STON2: variants seen among roughly 807,000 people sequenced by gnomAD.
STON2 encodes the protein stonin 2.
A neutral mutation model predicts 65.7 loss-of-function variants in STON2; 29 were observed. The ratio of observed to expected loss-of-function variants is 0.44; its 90% CI spans 0.33 to 0.60. STON2 has a LOEUF of 0.60. STON2 is among the 20% of genes least tolerant of loss of function. STON2 has a pLI of 0.03. For synonymous variants in STON2, 404 were observed against 414.2 expected, an observed-to-expected ratio of 0.98 and a Z score of 0.30; for missense variants, 1,054 against 1,118.1, an observed-to-expected ratio of 0.94 and a Z score of 0.82.
chr14:81,420,399 T>G (rs1452599539), intron 2 of STON2, among the ~76,000 whole-genome samples: 1 of 152,244 alleles, frequency 6.6e-6, no homozygotes, highest in African/African-American at 2.4e-5. Context: ...TTTTTAGAAG[T>G]CTGTCACAGA....
intron 4 of STON2, among the ~76,000 whole-genome samples, chr14:81,355,194 G>C (rs147147655): frequency 6.9e-4 from 105 of 152,202 alleles, no homozygotes; most frequent in African/African-American, 2.5e-3. Flanking sequence ...TCAAGAAGGA[G>C]AAGAAAGAGA....
chr14:81,290,066 G>C (rs1895495139), intron 5 of STON2, among the ~76,000 whole-genome samples: 4 of 152,164 alleles, frequency 2.6e-5, no homozygotes, highest in Admixed American at 2.6e-4. Flanking sequence ...AAGTCCTACA[G>C]ATCAGTAACA....
chr14:81,424,094 G>A (rs530486667), intron 2 of STON2, among the ~76,000 whole-genome samples: 77 of 152,328 alleles, frequency 5.1e-4, no homozygotes, highest in East Asian at 9.6e-4. Flanking sequence ...GAGCAAATGA[G>A]CACCTTTCAA....
intron 5 of STON2, among the ~76,000 whole-genome samples, chr14:81,299,963 T>A (rs1262016417): frequency 6.6e-6 from 1 of 151,958 alleles, no homozygotes; most frequent in Non-Finnish European, 1.5e-5. Flanking sequence ...ATTTTTTTGA[T>A]AGTTGGTCAA....
chr14:81,381,585 T>TA (rs57947737), intron 3 of STON2, among the ~76,000 whole-genome samples: 15,302 of 152,028 alleles, frequency 0.1, 1,987 homozygotes, highest in African/African-American at 0.3. Context: ...AAATGCAATT[T>TA]AAATCACATG....
At chr14:81,373,511 T>C (rs752145262) in intron 3 of STON2, among the ~76,000 whole-genome samples, 1 of 152,188 alleles carries the variant, frequency 6.6e-6, no homozygotes, top group Non-Finnish European at 1.5e-5. Context: ...AATAACATTA[T>C]TTAAAATGCA....
intron 5 of STON2, among the ~76,000 whole-genome samples, chr14:81,287,739 T>C (rs1211307887): frequency 6.6e-6 from 1 of 152,210 alleles, no homozygotes; most frequent in African/African-American, 2.4e-5. Flanking sequence ...TCTAAACTTC[T>C]GCCTCTGTTT....
chr14:81,268,502 C>G lies in STON2; in HGVS notation c.2785-5G>C. On this transcript the variant is annotated splice_polypyrimidine_tract_variant and splice_region_variant and intron_variant, in intron 7 of 7. Coordinates refer to ENST00000614646, the MANE Select transcript of STON2 (RefSeq NM_001394390.1). ...CTTTTTTTGCTCAATTTCCACCTGCCAAGAATAGAAGTTGGAGATAAAGAT... is the reference window on the plus strand; with the variant it reads ...CTTTTTTTGCTCAATTTCCACCTGCGAAGAATAGAAGTTGGAGATAAAGAT... 2 of 1,289,322 alleles carry G rather than the reference C, an allele frequency of 1.6e-6. No homozygotes were observed. Among genetic ancestry groups the G allele is most frequent in the South Asian group, 1.2e-5 (1 of 80,984 alleles). 79.9% of individuals were successfully genotyped at this position (1,289,322 alleles called of 1,614,324 possible).
chr14:81,375,489 T>C (rs1406526451), intron 3 of STON2, among the ~76,000 whole-genome samples: 1 of 152,060 alleles, frequency 6.6e-6, no homozygotes, highest in Non-Finnish European at 1.5e-5. Flanking sequence ...ATCAGAAATA[T>C]ATAATCCTAA....
chr14:81,431,271 G>T (rs1387198547), intron 1 of STON2, among the ~76,000 whole-genome samples: 4 of 152,114 alleles, frequency 2.6e-5, no homozygotes, highest in African/African-American at 9.7e-5. Context: ...CTGGAACAAG[G>T]ATCTTTTCAA....
At chr14:81,431,101 A>G (rs578111131) in intron 1 of STON2, among the ~76,000 whole-genome samples, 2 of 152,256 alleles carry the variant, frequency 1.3e-5, no homozygotes, top group South Asian at 4.1e-4. Context: ...GCTCTCCAAA[A>G]TGACCTGGAG....
rs550848084 is a variant in STON2, at chr14:81,373,779, C to T, written c.374-2594G>A. ...AGGGTAAGTTAGAAATAACCTCCAC[C>T]CTTAGCTGAAGATAGGAAAGAAAAT... On this transcript the variant is annotated intron_variant, in intron 3 of 7. Coordinates refer to ENST00000614646, the MANE Select transcript of STON2 (RefSeq NM_001394390.1). 6.6e-4 allele frequency among the ~76,000 whole-genome samples: 100 copies of T among 152,210 alleles called. No homozygotes were observed. The South Asian group carries it at 8.3e-3, about 13-fold the overall frequency.
Position 81,269,720 on chromosome 14 carries a change from G to T in STON2, c.2784+950C>A, listed in dbSNP as rs898534094. On this transcript the variant is annotated intron_variant, in intron 7 of 7. Transcript: ENST00000614646. ...AAATCCAAGGATATTATTATAAATA[G>T]AAAACCACTTTGCAAAATCCTTCTT... The T allele has an allele frequency of 8.1e-6, 8 of 984,968 alleles. No individual in the cohort carries two copies. In the African/African-American group the frequency reaches 1.4e-4, roughly 17 times the overall value. 61.0% of individuals were successfully genotyped at this position (984,968 alleles called of 1,614,324 possible). A position where few individuals can be genotyped will look rare whatever the true frequency, so the allele number is the denominator to read the frequency against.
At chr14:81,315,252 T>C (rs573163912) in intron 5 of STON2, among the ~76,000 whole-genome samples, 2 of 152,310 alleles carry the variant, frequency 1.3e-5, no homozygotes, top group African/African-American at 4.8e-5. Context: ...GAGGCCTCGT[T>C]TAGAAGACAG....
At chr14:81,295,468 G>GGCTTTTTC (rs1566894370) in intron 5 of STON2, among the ~76,000 whole-genome samples, 6 of 152,224 alleles carry the variant, frequency 3.9e-5, no homozygotes, top group Admixed American at 6.5e-5. Context: ...TGTATCAGAT[G>GGCTTTTTC]AAAGAGGTCA....
rs762367330 is a variant in STON2, at chr14:81,353,260, TC to T, written c.571+17727del. On this transcript the variant is annotated intron_variant, in intron 4 of 7. Transcript: ENST00000614646. ...TCACATCCATGTGTTCTCTTTTAATTCTTACCAATCATGAAAATACATTTCA... is the reference window on the plus strand; with the variant it reads ...TCACATCCATGTGTTCTCTTTTAATTTTACCAATCATGAAAATACATTTCA... Among the ~76,000 whole-genome samples, 7 of 152,372 alleles carry T rather than the reference TC, an allele frequency of 4.6e-5. No individual in the cohort carries two copies. In the East Asian group the frequency reaches 1.2e-3, roughly 25 times the overall value.
At chr14:81,270,428 CATT>C in intron 7 of STON2, 1 of 1,432,386 alleles carries the variant, frequency 7.0e-7, no homozygotes, top group Non-Finnish European at 9.1e-7. Context: ...GACAGAAAGA[CATT>C]ATATTCTCCT....
chr14:81,410,973 G>A (rs542844093), intron 2 of STON2, among the ~76,000 whole-genome samples: 3 of 152,258 alleles, frequency 2.0e-5, no homozygotes, highest in East Asian at 1.9e-4. Context: ...TACACATGTC[G>A]CACTTTGAAA....
intron 2 of STON2, among the ~76,000 whole-genome samples, chr14:81,417,569 C>T (rs573789620): frequency 1.2e-3 from 179 of 152,220 alleles, no homozygotes; most frequent in Non-Finnish European, 2.3e-3. Flanking sequence ...CCTAAGGAAA[C>T]TAGGAGTGGT....
Sources: gnomAD v4.1 joint callset for allele counts (sites outside exome capture counted in the v4.1 genomes callset) on GRCh38, gnomAD v4.1.1 for gene constraint, MANE v1.5 for transcripts, NCBI Gene and HGNC (gene_info 2026-07-23, HGNC 2026-07-21) for gene names.